The following VWA3B variants were observed in gnomAD, a reference collection of about 807,000 sequenced individuals.
VWA3B encodes the protein von Willebrand factor A domain-containing protein 3B.
Under a neutral mutation model 158.3 loss-of-function variants are expected in VWA3B, and 138 were observed. The ratio of observed to expected loss-of-function variants is 0.87; its 90% CI spans 0.76 to 1.00. The LOEUF is 1.00. Ranked by LOEUF, VWA3B falls within the 50% of genes least tolerant of loss-of-function variation. VWA3B has a pLI of 0.00. For synonymous variants in VWA3B, 596 were observed against 587.3 expected, an observed-to-expected ratio of 1.01 and a Z score of -0.21; for missense variants, 1,555 against 1,565.1, an observed-to-expected ratio of 0.99 and a Z score of 0.11.
chr2:98,147,535 T>A (rs1399701939), intron 7 of VWA3B, among the ~76,000 whole-genome samples: 2 of 152,208 alleles, frequency 1.3e-5, no homozygotes, highest in Non-Finnish European at 2.9e-5. Context: ...TTTCCCACAT[T>A]ACTATAAAAT....
chr2:98,143,799 G>A (rs1377415101), intron 7 of VWA3B, among the ~76,000 whole-genome samples: 1 of 142,956 alleles, frequency 7.0e-6, no homozygotes, highest in Non-Finnish European at 1.5e-5. Context: ...CACCCAGACT[G>A]GAGTGCAGTG....
intron 2 of VWA3B, among the ~76,000 whole-genome samples, chr2:98,110,091 T>TC (rs140696281): frequency 6.2e-4 from 94 of 151,068 alleles, no homozygotes; most frequent in African/African-American, 2.2e-3. Flanking sequence ...TTTTTTTTTT[T>TC]CTTCTTTTTC....
chr2:98,141,860 C>T (rs13033420), intron 7 of VWA3B, among the ~76,000 whole-genome samples: 64,357 of 151,902 alleles, frequency 0.42, 14,028 homozygotes, highest in African/African-American at 0.46. Context: ...CTGTCCCCTC[C>T]GGAAGAACTG....
At chr2:98,302,898 A>G (rs1381066459) in intron 25 of VWA3B, among the ~76,000 whole-genome samples, 1 of 152,220 alleles carries the variant, frequency 6.6e-6, no homozygotes, top group Non-Finnish European at 1.5e-5. Context: ...GCCAGCGGCC[A>G]CTGGAGCACT....
Position 98,093,105 on chromosome 2 carries a change from G to A in VWA3B, c.13G>A (p.Gly5Ser). MEKS[G>S]PSSTISEQQL... ...TCTTGATTCAGAGATGGAGAAATCAGGCCCATCTTCTACCATCTCTGAGCA... is the reference window on the plus strand; with the variant it reads ...TCTTGATTCAGAGATGGAGAAATCAAGCCCATCTTCTACCATCTCTGAGCA... Residue 5 changes from glycine (G) to serine (S), a missense_variant, in exon 2 of 28, where the codon GGC becomes AGC. Coordinates refer to ENST00000477737, the MANE Select transcript of VWA3B (RefSeq NM_144992.5). 1 of 1,613,712 alleles carries A rather than the reference G, an allele frequency of 6.2e-7. No individual in the cohort carries two copies. Among genetic ancestry groups the A allele is most frequent in the Non-Finnish European group, 8.5e-7 (1 of 1,179,816 alleles).
intron 2 of VWA3B, among the ~76,000 whole-genome samples, chr2:98,101,610 T>G (rs150351228): frequency 1.3e-5 from 2 of 152,358 alleles, no homozygotes; most frequent in East Asian, 3.9e-4. Context: ...CTAAGGAAGA[T>G]CTAGGGGATG....
chr2:98,270,539 T>TCTGACAC (rs1558747293), intron 21 of VWA3B, 143 bp from the exon 22 acceptor site: 3 of 801,754 alleles, frequency 3.7e-6, no homozygotes, highest in Non-Finnish European at 5.8e-6. Flanking sequence ...GATGCTGTCA[T>TCTGACAC]CTGACACCTG....
At chr2:98,092,163 A>G (rs1218048542) in intron 1 of VWA3B, among the ~76,000 whole-genome samples, 2 of 152,232 alleles carry the variant, frequency 1.3e-5, no homozygotes, top group South Asian at 2.1e-4. Context: ...CCCAACCGCC[A>G]CCAGCTCCCA....
chr2:98,257,278 T>C (rs541011674), intron 21 of VWA3B, among the ~76,000 whole-genome samples: 1 of 152,196 alleles, frequency 6.6e-6, no homozygotes, highest in South Asian at 2.1e-4. Flanking sequence ...GCAAATGATA[T>C]TAAGTTGCTG....
intron 22 of VWA3B, among the ~76,000 whole-genome samples, chr2:98,287,940 T>C (rs185626437): frequency 1.6e-4 from 25 of 152,328 alleles, no homozygotes; most frequent in Non-Finnish European, 2.9e-4. Context: ...CTTCCAGATA[T>C]TATATATTTC....
At chr2:98,144,436 G>A (rs1056557903) in intron 7 of VWA3B, among the ~76,000 whole-genome samples, 2 of 150,750 alleles carry the variant, frequency 1.3e-5, no homozygotes, top group African/African-American at 2.4e-5. Flanking sequence ...TTCCCAATTC[G>A]AGTCCATTCC....
At chr2:98,308,095 T>C (rs891199686) in intron 26 of VWA3B, among the ~76,000 whole-genome samples, 8 of 152,202 alleles carry the variant, frequency 5.3e-5, no homozygotes, top group African/African-American at 1.9e-4. Flanking sequence ...CCTAAATGAT[T>C]CTTAAAGACT....
intron 7 of VWA3B, among the ~76,000 whole-genome samples, chr2:98,138,882 C>A (rs1676496346): frequency 6.6e-6 from 1 of 152,266 alleles, no homozygotes; most frequent in African/African-American, 2.4e-5. Context: ...GCCTCCTCTG[C>A]CTGGGCTCCC....
chr2:98,205,307 T>A (rs376250782), intron 12 of VWA3B, among the ~76,000 whole-genome samples: 12 of 152,186 alleles, frequency 7.9e-5, no homozygotes, highest in South Asian at 6.2e-4. Flanking sequence ...ACTGTAGAAT[T>A]TATGAGCATA....
intron 1 of VWA3B, among the ~76,000 whole-genome samples, chr2:98,088,292 G>A (rs1441057677): frequency 6.6e-6 from 1 of 152,150 alleles, no homozygotes; most frequent in Non-Finnish European, 1.5e-5. Flanking sequence ...GAAGCTTATT[G>A]AATGTCTAAA....
the VWA3B span, among the ~76,000 whole-genome samples, chr2:98,330,148 G>T: frequency 5.3e-3 from 801 of 152,318 alleles, 6 homozygotes; most frequent in African/African-American, 0.018. Flanking sequence ...ACTGCATGGA[G>T]CTATTCAAGG....
chr2:98,256,070 G>T, intron 20 of VWA3B, 54 bp from the exon 21 acceptor site: 1 of 1,603,702 alleles, frequency 6.2e-7, no homozygotes, highest in East Asian at 2.2e-5. Context: ...TTAACCTTTT[G>T]CCATGAAATG....
intron 7 of VWA3B, among the ~76,000 whole-genome samples, chr2:98,135,248 C>T (rs966263434): frequency 6.6e-6 from 1 of 151,504 alleles, no homozygotes; most frequent in Non-Finnish European, 1.5e-5. Flanking sequence ...GAAATACAAA[C>T]TGCATAGCTT....
intron 13 of VWA3B, among the ~76,000 whole-genome samples, chr2:98,217,146 C>A (rs1450057847): frequency 6.6e-6 from 1 of 152,190 alleles, no homozygotes. Flanking sequence ...GTCCTCCTGC[C>A]CCCTCCCTGC....
Sources: allele counts gnomAD v4.1 joint callset (sites outside exome capture counted in the v4.1 genomes callset), GRCh38; gene constraint gnomAD v4.1.1; transcripts MANE v1.5; gene names NCBI Gene and HGNC (gene_info 2026-07-23, HGNC 2026-07-21).